Variants in ADCK2 observed in about 807,000 individuals in gnomAD.
ADCK2 encodes the protein uncharacterized aarF domain-containing protein kinase 2.
ADCK2 carries 37 observed loss-of-function variants against 52.3 expected under a neutral mutation model. The ratio of observed to expected loss-of-function variants is 0.71; its 90% CI spans 0.54 to 0.93. ADCK2 has a LOEUF of 0.93. ADCK2 is among the 40% of genes least tolerant of loss of function. ADCK2 has a pLI of 0.00. For missense variants in ADCK2, 695 were observed against 798.7 expected (o/e 0.87, Z 1.56); for synonymous variants, 321 against 349.2 (o/e 0.92, Z 0.90).
chr7:140,689,371 G>A (rs1794663623), intron 5 of ADCK2, among the ~76,000 whole-genome samples: 1 of 152,156 alleles, frequency 6.6e-6, no homozygotes, highest in Non-Finnish European at 1.5e-5. Flanking sequence ...GTTTGAAAGT[G>A]TCCCCTGGGC....
intron 4 of ADCK2, among the ~76,000 whole-genome samples, chr7:140,683,389 G>A (rs1280291019): frequency 6.6e-6 from 1 of 152,204 alleles, no homozygotes; most frequent in Non-Finnish European, 1.5e-5. Context: ...TGGAGTGGGA[G>A]GGTGAGACGA....
intron 3 of ADCK2, among the ~76,000 whole-genome samples, chr7:140,680,498 C>G (rs1794498171): frequency 6.6e-6 from 1 of 151,470 alleles, no homozygotes; most frequent in Non-Finnish European, 1.5e-5. Flanking sequence ...TTACGTTGCC[C>G]AGACCCCTAT....
At chr7:140,679,462 C>T (rs1794478883) in intron 3 of ADCK2, among the ~76,000 whole-genome samples, 179 bp downstream of exon 3, 1 of 152,048 alleles carries the variant, frequency 6.6e-6, no homozygotes, top group Admixed American at 6.6e-5. Context: ...TAGCTGAGAA[C>T]ACTGGGTGTG....
At chr7:140,677,418 A>G (rs930791411) in intron 2 of ADCK2, among the ~76,000 whole-genome samples, 3 of 151,960 alleles carry the variant, frequency 2.0e-5, no homozygotes, top group African/African-American at 4.8e-5. Context: ...AAAAAAAAAA[A>G]AAAGAAAGAC....
intron 3 of ADCK2, 49 bp downstream of exon 3, chr7:140,679,332 G>A (rs1435784766): frequency 6.2e-7 from 1 of 1,607,192 alleles, no homozygotes; most frequent in African/African-American, 1.3e-5. Context: ...GCCACTCGCA[G>A]TGGGCCCGTC....
In ADCK2 at chr7:140,674,900, G is replaced by A; in HGVS notation, c.1080+143G>A. ...AGAGCTGGTAACACTAGCTGATAAA[G>A]AACATCCAAATCTCAGTGGCTTAAT... On this transcript the variant is annotated intron_variant, in intron 2 of 7. Coordinates refer to ENST00000072869, the MANE Select transcript of ADCK2 (RefSeq NM_052853.4). The surrounding 1 kb of genome is among the most constrained non-coding windows in gnomAD (Gnocchi z 4.6). 8.9e-7 allele frequency: 1 copy of A among 1,118,118 alleles called. No individual in the cohort carries two copies. 69.3% of individuals were successfully genotyped at this position (1,118,118 alleles called of 1,614,324 possible). A position where few individuals can be genotyped will look rare whatever the true frequency, so the allele number is the denominator to read the frequency against.
chr7:140,694,179 G>A (rs1211226302), intron 7 of ADCK2, among the ~76,000 whole-genome samples: 1 of 152,138 alleles, frequency 6.6e-6, no homozygotes, highest in Non-Finnish European at 1.5e-5. Context: ...CCAGTCTCAG[G>A]AGGCTGAGGC....
intron 2 of ADCK2, among the ~76,000 whole-genome samples, chr7:140,677,919 A>C (rs940058213): frequency 6.6e-6 from 1 of 152,180 alleles, no homozygotes. Flanking sequence ...GATGTCGAGC[A>C]CTATATGGAG....
chr7:140,674,621 C>G lies in ADCK2; in HGVS notation c.944C>G (p.Pro315Arg), dbSNP rs536967545. The G allele has an allele frequency of 1.2e-5, 19 of 1,613,352 alleles. No homozygotes were observed. The highest frequency in any genetic ancestry group is 1.0e-4 in the Admixed American group (6 of 59,992). The change falls in exon 2 of 8, where the codon CCT becomes CGT. Residue 315 changes from proline (P) to arginine (R), a missense_variant. Physicochemically the swap from Pro to Arg is moderately radical, Grantham distance 103 (BLOSUM62 -2). Transcript: ENST00000072869. This position sits in a 1 kb window ranked among gnomAD's most constrained non-coding sequence, Gnocchi z 4.6. ...TCCTCTTTCTGACAGGTGTTGCACCCTGGCCTGCTCGCTCAGGTGCATATG... is the reference window on the plus strand; with the variant it reads ...TCCTCTTTCTGACAGGTGTTGCACCGTGGCCTGCTCGCTCAGGTGCATATG... The part of the protein sequence containing the change: ...LISVAVKVLH[P>R]GLLAQVHMDL...
At position 140,694,819 on chromosome 7, in the gene ADCK2, T is replaced by C; in HGVS notation, c.*16T>C. 6.2e-7 allele frequency: 1 copy of C among 1,605,728 alleles called. No individual in the cohort carries two copies. The stretch of plus-strand genomic sequence containing the variant: ...CCCCCCGTGATGGGGCAGTGGCCTC[T>C]GTGGGCCCTTGTCAAGAGCTGGAGG... On this transcript the variant is annotated 3_prime_UTR_variant, in exon 8 of 8. Transcript: ENST00000072869.
chr7:140,681,174 G>A, intron 4 of ADCK2, 37 bp downstream of exon 4: 1 of 1,602,682 alleles, frequency 6.2e-7, no homozygotes, highest in African/African-American at 1.3e-5. Flanking sequence ...GGCCCAGCAT[G>A]TGGTCAGCTT....
At chr7:140,685,945 G>A (rs1474958974) in intron 4 of ADCK2, among the ~76,000 whole-genome samples, 1 of 152,120 alleles carries the variant, frequency 6.6e-6, no homozygotes, top group African/African-American at 2.4e-5. Context: ...TCAAAGCCGT[G>A]TCCTTCCTGC....
rs1371116717 is a variant in ADCK2, at chr7:140,673,133, G to GCGCGGCGCGT, written c.-191_-190insCGTCGCGGCG. ...AGCCCCTTCCGCGCGGCGCGGCGCGGCGCGGCGGGTGTCGGGCGGGGCGCG... is the reference window on the plus strand; with the variant it reads ...AGCCCCTTCCGCGCGGCGCGGCGCGGCGCGGCGCGTCGCGGCGGGTGTCGGGCGGGGCGCG... On this transcript the variant is annotated 5_prime_UTR_variant, in exon 1 of 8. Transcript: ENST00000072869. This position sits in a 1 kb window ranked among gnomAD's most constrained non-coding sequence, Gnocchi z 6.4. 7.8e-5 allele frequency: 23 copies of GCGCGGCGCGT among 296,502 alleles called. No homozygotes were observed. In the South Asian group the frequency reaches 1.7e-3, roughly 22 times the overall value. The allele number at this position is 296,502 out of a possible 1,614,324, so 18.4% of individuals were successfully genotyped here.
rs531718345 is a variant in ADCK2 at position 140,693,871 on chromosome 7, G to A, written c.1741-792G>A. 4.1e-4 allele frequency among the ~76,000 whole-genome samples: 63 copies of A among 152,114 alleles called. 1 individual carries two copies. The East Asian group carries it at 0.011, about 27-fold the overall frequency. ...ACCACAGGCGCCTGCCACCATGCCC[G>A]GCTGATTTTTTGTATTTTTAGTAGA... On this transcript the variant is annotated intron_variant, in intron 7 of 7. Transcript: ENST00000072869. This position sits in a 1 kb window ranked among gnomAD's most constrained non-coding sequence, Gnocchi z 4.0.
At chr7:140,679,057 TG>T in intron 2 of ADCK2, 97 bp from the exon 3 acceptor site, 1 of 1,464,236 alleles carries the variant, frequency 6.8e-7, no homozygotes, top group Non-Finnish European at 9.3e-7. Context: ...GTGGGGAAGG[TG>T]GGGTGGATCT....
In ADCK2 at chr7:140,681,131, G is replaced by T. The variant is rs146276041; in HGVS notation, c.1299G>T (p.Leu433=). Residue 433 remains leucine (L), a synonymous_variant, in exon 4 of 8, where the codon CTG becomes CTT. Coordinates refer to ENST00000072869, the MANE Select transcript of ADCK2 (RefSeq NM_052853.4). ...CACGGCTGGGGATCAACATGCTCCT[G>T]AAGATGGTGAGCTCATGGCTGGAGC... ...KIARLGINML[L]KMIFVDNFVH... 2 of 1,614,094 alleles carry T rather than the reference G, an allele frequency of 1.2e-6. No homozygotes were observed. The highest frequency in any genetic ancestry group is 2.7e-5 in the African/African-American group (2 of 75,050).
In ADCK2 at chr7:140,673,862, C is replaced by A; in HGVS notation, c.532C>A (p.Pro178Thr). The change falls in exon 1 of 8, where the codon CCG becomes ACG. Residue 178 changes from proline (P) to threonine (T), a missense_variant. Coordinates refer to ENST00000072869, the MANE Select transcript of ADCK2 (RefSeq NM_052853.4). This position sits in a 1 kb window ranked among gnomAD's most constrained non-coding sequence, Gnocchi z 6.4. ...SKLHVRVTPH[P>T]WTHTERFLRQ... is the part of the protein sequence containing the mutation. Reference sequence around the variant, plus strand: ...GCTGCATGTCCGAGTGACGCCCCACCCGTGGACTCACACTGAGCGCTTCCT... The same window carrying A: ...GCTGCATGTCCGAGTGACGCCCCACACGTGGACTCACACTGAGCGCTTCCT... 1 of 1,614,066 alleles carries A rather than the reference C, an allele frequency of 6.2e-7. No individual in the cohort carries two copies. Among genetic ancestry groups the A allele is most frequent in the Non-Finnish European group, 8.5e-7 (1 of 1,180,050 alleles).
intron 7 of ADCK2, among the ~76,000 whole-genome samples, chr7:140,692,021 A>C (rs1364388170): frequency 6.6e-6 from 1 of 152,226 alleles, no homozygotes; most frequent in African/African-American, 2.4e-5. Context: ...CAAGCACTTC[A>C]CTAGGCACTT....
intron 7 of ADCK2, 121 bp downstream of exon 7, chr7:140,690,934 T>G: frequency 1.0e-6 from 1 of 993,812 alleles, no homozygotes; most frequent in Non-Finnish European, 1.5e-6. Flanking sequence ...TTGTTGTTTT[T>G]CTTTTTTTTG....
Sources: gnomAD v4.1 joint callset for allele counts (sites outside exome capture counted in the v4.1 genomes callset) on GRCh38, gnomAD v4.1.1 for gene constraint, Gnocchi (gnomAD v3.1) non-coding constraint, MANE v1.5 for transcripts, NCBI Gene and HGNC (gene_info 2026-07-23, HGNC 2026-07-21) for gene names.